Variants in RASAL2 observed in about 807,000 individuals in gnomAD.
RASAL2 encodes the protein RAS protein activator like 2.
A neutral mutation model predicts 128.9 loss-of-function variants in RASAL2; 58 were observed. The ratio of observed to expected loss-of-function variants is 0.45; its 90% confidence interval spans 0.36 to 0.56. The LOEUF is 0.56. Ranked by LOEUF, RASAL2 falls within the 20% of genes least tolerant of loss-of-function variation. RASAL2 has a pLI of 0.00. For missense variants in RASAL2, 1,360 were observed against 1,601.6 expected (o/e 0.85, Z 2.57); for synonymous variants, 561 against 580.8 (o/e 0.97, Z 0.49).
intron 1 of RASAL2, among the ~76,000 whole-genome samples, chr1:178,125,074 T>C (rs1469956915): frequency 6.6e-6 from 1 of 152,220 alleles, no homozygotes; most frequent in Non-Finnish European, 1.5e-5. Context: ...GGAGAATTAT[T>C]GCCCAAACAT....
At chr1:178,310,141 G>T (rs141607371) in intron 3 of RASAL2, among the ~76,000 whole-genome samples, 33 of 152,342 alleles carry the variant, frequency 2.2e-4, no homozygotes, top group African/African-American at 6.5e-4. Context: ...TTTTCAAGAT[G>T]CTAGAATCTT....
intron 2 of RASAL2, among the ~76,000 whole-genome samples, chr1:178,288,734 T>A (rs1486163194): frequency 1.5e-5 from 2 of 134,992 alleles, no homozygotes; most frequent in African/African-American, 5.6e-5. Flanking sequence ...CACTGCAATC[T>A]CCGCCTCCTG....
At chr1:178,145,436 GC>G (rs1558079078) in intron 1 of RASAL2, among the ~76,000 whole-genome samples, 1 of 150,370 alleles carries the variant, frequency 6.7e-6, no homozygotes, top group African/African-American at 2.4e-5. Context: ...TTATCTAGAT[GC>G]TTTCTTTTTT....
intron 1 of RASAL2, among the ~76,000 whole-genome samples, chr1:178,261,342 C>A (rs963337539): frequency 1.3e-5 from 2 of 152,160 alleles, no homozygotes; most frequent in African/African-American, 4.8e-5. Flanking sequence ...TAGCTACAGA[C>A]GTTTATAACA....
intron 1 of RASAL2, among the ~76,000 whole-genome samples, chr1:178,280,574 AG>A (rs1666735624): frequency 6.6e-6 from 1 of 152,114 alleles, no homozygotes; most frequent in African/African-American, 2.4e-5. Context: ...CAGTCAAGAA[AG>A]TGGAGAATTG....
rs1677447716 is a variant in RASAL2 at position 178,452,489 on chromosome 1, A to G, written c.1846A>G (p.Ile616Val). The change falls in exon 11 of 18, where the codon ATC becomes GTC. Residue 616 changes from isoleucine to valine, a missense_variant. Physicochemically the swap from Ile to Val is conservative, Grantham distance 29. Coordinates refer to ENST00000367649, the MANE Select transcript of RASAL2 (RefSeq NM_170692.4). ...GTGCCTGAACCGTGGCAAGCAAGAC[A>G]TCAGCGAGAGGCTCATCAGTGCCTC... is the stretch of plus-strand genomic sequence containing the variant. ...QQCLNRGKQDISERLISASLF... is the reference protein window; with the variant it reads ...QQCLNRGKQDVSERLISASLF... The G allele has an allele frequency of 1.9e-6, 3 of 1,614,006 alleles. No individual in the cohort carries two copies. Among genetic ancestry groups the G allele is most frequent in the African/African-American group, 1.3e-5 (1 of 74,912 alleles).
At chr1:178,174,456 T>G (rs1055496472) in intron 1 of RASAL2, among the ~76,000 whole-genome samples, 1 of 152,134 alleles carries the variant, frequency 6.6e-6, no homozygotes, top group Admixed American at 6.6e-5. Flanking sequence ...AAACAAATGC[T>G]GTACTTTTCT....
rs145034495 is a variant in RASAL2, at chr1:178,382,296, G to C, written c.458-7804G>C. The stretch of plus-strand genomic sequence containing the variant: ...TAGTAAACTTTTGTCCCTTGTTATT[G>C]TTTTGCCTCACCTCTCTGTGTTTCT... On this transcript the variant is annotated intron_variant, in intron 3 of 17. Transcript: ENST00000367649. 2.4e-3 allele frequency among the ~76,000 whole-genome samples: 367 copies of C among 152,084 alleles called. 5 individuals carry two copies. Among genetic ancestry groups the C allele is most frequent in the African/African-American group, 7.8e-3 (324 of 41,488 alleles).
chr1:178,261,432 C>G (rs1325504441), intron 1 of RASAL2, among the ~76,000 whole-genome samples: 1 of 152,022 alleles, frequency 6.6e-6, no homozygotes, highest in Non-Finnish European at 1.5e-5. Context: ...ATATAATCAC[C>G]CCATATTCCA....
chr1:178,303,851 T>C (rs574358549), intron 3 of RASAL2, among the ~76,000 whole-genome samples: 1 of 152,130 alleles, frequency 6.6e-6, no homozygotes, highest in Non-Finnish European at 1.5e-5. Flanking sequence ...AATTAGTACA[T>C]CCTGTCTGAT....
rs1451714729 is a variant in RASAL2, at chr1:178,477,349, A to G, written c.*4110A>G. ...AAAGCAAGAAATGTTGGAGTGTTGAATTTTTAAATAGAATCTCTTTTCATG... is the reference window on the plus strand; with the variant it reads ...AAAGCAAGAAATGTTGGAGTGTTGAGTTTTTAAATAGAATCTCTTTTCATG... On this transcript the variant is annotated 3_prime_UTR_variant, in exon 18 of 18. Coordinates refer to ENST00000367649, the MANE Select transcript of RASAL2 (RefSeq NM_170692.4). The G allele has an allele frequency of 6.6e-6, 1 of 152,154 alleles. No homozygotes were observed. Among genetic ancestry groups the G allele is most frequent in the African/African-American group, 2.4e-5 (1 of 41,430 alleles). 9.4% of individuals were successfully genotyped at this position (152,154 alleles called of 1,614,324 possible).
chr1:178,238,607 TAC>T (rs10634445), intron 1 of RASAL2, among the ~76,000 whole-genome samples: 50 of 150,406 alleles, frequency 3.3e-4, no homozygotes, highest in African/African-American at 4.9e-4. Context: ...TGTGTGTATA[TAC>T]ACACACACAC....
intron 5 of RASAL2, among the ~76,000 whole-genome samples, chr1:178,433,272 T>G (rs1676042045): frequency 6.6e-6 from 1 of 152,100 alleles, no homozygotes; most frequent in Non-Finnish European, 1.5e-5. Context: ...TGGTTACAAC[T>G]TTGTGTTACT....
intron 1 of RASAL2, among the ~76,000 whole-genome samples, chr1:178,261,573 T>C (rs1429946233): frequency 6.6e-6 from 1 of 152,198 alleles, no homozygotes; most frequent in African/African-American, 2.4e-5. Context: ...ACATAAGTGC[T>C]CTGTGTTACT....
At chr1:178,198,807 C>G (rs1662763805) in intron 1 of RASAL2, among the ~76,000 whole-genome samples, 1 of 152,194 alleles carries the variant, frequency 6.6e-6, no homozygotes, top group Non-Finnish European at 1.5e-5. Context: ...TGTCCATTCC[C>G]AGAGCTCAAA....
intron 1 of RASAL2, among the ~76,000 whole-genome samples, chr1:178,150,741 C>T (rs894559381): frequency 2.0e-5 from 3 of 152,068 alleles, no homozygotes; most frequent in Non-Finnish European, 4.4e-5. Flanking sequence ...TTATTTTTAA[C>T]CCCCAAATCA....
intron 1 of RASAL2, among the ~76,000 whole-genome samples, chr1:178,213,597 T>A (rs899163998): frequency 2.6e-5 from 4 of 152,074 alleles, no homozygotes; most frequent in Admixed American, 6.6e-5. Context: ...TGAGACACAA[T>A]GATGAGCATA....
intron 1 of RASAL2, among the ~76,000 whole-genome samples, chr1:178,279,263 A>T (rs1666668719): frequency 6.6e-6 from 1 of 151,830 alleles, no homozygotes; most frequent in East Asian, 1.9e-4. Flanking sequence ...TTTATTAGTG[A>T]CTCTTTTATT....
intron 1 of RASAL2, among the ~76,000 whole-genome samples, chr1:178,177,644 A>T (rs1476155804): frequency 2.0e-5 from 3 of 152,200 alleles, no homozygotes; most frequent in Non-Finnish European, 4.4e-5. Flanking sequence ...AGAACATTCC[A>T]TTTTGAGGGA....
Sources: gnomAD v4.1 joint callset for allele counts (sites outside exome capture counted in the v4.1 genomes callset) on GRCh38, gnomAD v4.1.1 for gene constraint, MANE v1.5 for transcripts, NCBI Gene and HGNC (gene_info 2026-07-23, HGNC 2026-07-21) for gene names.